Variants in ERBB4 observed in about 807,000 individuals in gnomAD.
ERBB4 encodes the protein receptor tyrosine-protein kinase erbB-4.
A neutral mutation model predicts 158.0 loss-of-function variants in ERBB4; 42 were observed. The ratio of observed to expected loss-of-function variants is 0.27; its 90% CI spans 0.21 to 0.34. ERBB4 has a LOEUF of 0.34. Among genes scored for constraint, ERBB4 ranks in the 10% least tolerant of loss-of-function variants. The pLI, the probability that ERBB4 is intolerant of heterozygous loss-of-function variation, is 1.00. For synonymous variants in ERBB4, 583 were observed against 558.7 expected, an observed-to-expected ratio of 1.04 and a Z score of -0.61; for missense variants, 1,333 against 1,624.1, an observed-to-expected ratio of 0.82 and a Z score of 3.08.
At chr2:211,982,576 G>A (rs2081832090) in intron 2 of ERBB4, among the ~76,000 whole-genome samples, 1 of 152,170 alleles carries the variant, frequency 6.6e-6, no homozygotes, top group African/African-American at 2.4e-5. Context: ...GCAAGCCACT[G>A]TCAGTAAAAA....
At chr2:211,413,354 A>T (rs971555825) in intron 25 of ERBB4, among the ~76,000 whole-genome samples, 14 of 139,142 alleles carry the variant, frequency 1.0e-4, no homozygotes, top group South Asian at 2.3e-4. Flanking sequence ...ACACATTGAT[A>T]AAAAAAAAAA....
intron 1 of ERBB4, among the ~76,000 whole-genome samples, chr2:212,133,408 T>G (rs962252414): frequency 0.011 from 1,429 of 124,560 alleles, 21 homozygotes; most frequent in African/African-American, 0.059. Flanking sequence ...TTTTTTTTTG[T>G]TTTGTTTTGT....
At chr2:211,621,681 A>C (rs73078801) in intron 18 of ERBB4, among the ~76,000 whole-genome samples, 1,992 of 152,328 alleles carry the variant, frequency 0.013, 60 homozygotes, top group African/African-American at 0.046. Flanking sequence ...ATCTTTAAAA[A>C]TATAGGAGTG....
In ERBB4 at chr2:211,680,543, T is replaced by C. The variant is rs114500002; in HGVS notation, c.1490-1359A>G. ...CGAGGTGGGTTGGGATGGCACTGAA[T>C]ATGGTAGTGTAATATAAGCAGGGAA... On this transcript the variant is annotated intron_variant, in intron 12 of 27. Transcript: ENST00000342788. 5.2e-3 allele frequency among the ~76,000 whole-genome samples: 799 copies of C among 152,328 alleles called. 8 individuals carry two copies. The highest frequency in any genetic ancestry group is 0.018 in the African/African-American group (761 of 41,572).
chr2:212,053,466 A>T (rs560953394), intron 2 of ERBB4, among the ~76,000 whole-genome samples: 24 of 152,172 alleles, frequency 1.6e-4, no homozygotes, highest in South Asian at 4.2e-4. Context: ...TATTTCATGC[A>T]AACTGCTCTT....
intron 19 of ERBB4, among the ~76,000 whole-genome samples, chr2:211,588,677 A>G (rs945173693): frequency 7.2e-5 from 11 of 152,182 alleles, no homozygotes; most frequent in Admixed American, 2.0e-4. Context: ...CAGGCCACTT[A>G]GCTAGTAAGT....
intron 1 of ERBB4, among the ~76,000 whole-genome samples, chr2:212,345,504 G>C (rs955673495): frequency 1.3e-5 from 2 of 151,896 alleles, no homozygotes; most frequent in Non-Finnish European, 2.9e-5. Context: ...CTTAATTTGG[G>C]CAAAGCTTTA....
At chr2:211,759,980 C>A (rs189678251) in intron 4 of ERBB4, among the ~76,000 whole-genome samples, 1 of 152,256 alleles carries the variant, frequency 6.6e-6, no homozygotes, top group African/African-American at 2.4e-5. Flanking sequence ...GTCATATAGA[C>A]ATGCCAAAAT....
At chr2:211,996,457 T>G (rs868573555) in intron 2 of ERBB4, among the ~76,000 whole-genome samples, 10 of 152,126 alleles carry the variant, frequency 6.6e-5, no homozygotes, top group African/African-American at 2.4e-4. Context: ...TAATAAGAAG[T>G]TACCTTTTTT....
intron 3 of ERBB4, among the ~76,000 whole-genome samples, chr2:211,908,904 A>G (rs577070237): frequency 2.0e-5 from 3 of 151,748 alleles, no homozygotes; most frequent in East Asian, 3.9e-4. Context: ...ATTAATATAT[A>G]TTATAAGCTA....
At chr2:211,825,878 GATTA>G (rs916407803) in intron 3 of ERBB4, among the ~76,000 whole-genome samples, 16 of 146,098 alleles carry the variant, frequency 1.1e-4, no homozygotes, top group Non-Finnish European at 2.3e-4. Context: ...CTACAATATA[GATTA>G]ATTATATTAT....
intron 1 of ERBB4, among the ~76,000 whole-genome samples, chr2:212,235,559 C>A (rs997069256): frequency 6.6e-6 from 1 of 152,082 alleles, no homozygotes; most frequent in Non-Finnish European, 1.5e-5. Flanking sequence ...TTACTTTGGG[C>A]AGTTTGGCCA....
At chr2:211,808,796 T>G (rs2076680466) in intron 3 of ERBB4, among the ~76,000 whole-genome samples, 1 of 152,200 alleles carries the variant, frequency 6.6e-6, no homozygotes, top group Admixed American at 6.5e-5. Flanking sequence ...TATCCTCTTT[T>G]ATTTCATTGA....
intron 20 of ERBB4, among the ~76,000 whole-genome samples, chr2:211,534,437 C>A (rs1851181): frequency 0.29 from 44,623 of 151,900 alleles, 7,920 homozygotes; most frequent in East Asian, 0.65. Context: ...ATTAACTCTG[C>A]AAATTGTCCA....
intron 1 of ERBB4, among the ~76,000 whole-genome samples, chr2:212,206,589 C>CTTTTATTTTTTTTTTTTTTTTTTTTTT (rs2082754707): frequency 8.6e-6 from 1 of 116,450 alleles, no homozygotes; most frequent in Non-Finnish European, 1.8e-5. Flanking sequence ...CTGTTCTGTT[C>CTTTTATTTTTTTTTTTTTTTTTTTTTT]TTTTTTTTTT....
chr2:211,431,643 C>A (rs1254486361), intron 20 of ERBB4, among the ~76,000 whole-genome samples: 1 of 152,048 alleles, frequency 6.6e-6, no homozygotes, highest in Non-Finnish European at 1.5e-5. Context: ...ATTAATCATG[C>A]ACAGAATGAA....
At chr2:211,633,475 T>C (rs1334505788) in intron 16 of ERBB4, among the ~76,000 whole-genome samples, 1 of 93,316 alleles carries the variant, frequency 1.1e-5, no homozygotes, top group Non-Finnish European at 2.3e-5. Flanking sequence ...CTAATTTGTA[T>C]TTTCTAATTT....
At chr2:211,640,438 T>A (rs2070536095) in intron 16 of ERBB4, among the ~76,000 whole-genome samples, 1 of 152,136 alleles carries the variant, frequency 6.6e-6, no homozygotes, top group Non-Finnish European at 1.5e-5. Flanking sequence ...CACTGGACAT[T>A]TCTTGCAGGA....
chr2:212,088,428 C>T (rs1450551216), intron 2 of ERBB4, among the ~76,000 whole-genome samples: 1 of 152,132 alleles, frequency 6.6e-6, no homozygotes, highest in Non-Finnish European at 1.5e-5. Flanking sequence ...TTGTCTATCA[C>T]ATGACAGGTA....
Sources: gnomAD v4.1 joint callset for allele counts (sites outside exome capture counted in the v4.1 genomes callset) on GRCh38, gnomAD v4.1.1 for gene constraint, MANE v1.5 for transcripts, NCBI Gene and HGNC (gene_info 2026-07-23, HGNC 2026-07-21) for gene names.